CNTNAP2: variants seen among roughly 807,000 people sequenced by gnomAD.
CNTNAP2 encodes contactin-associated protein-like 2.
A neutral mutation model predicts 155.2 loss-of-function variants in CNTNAP2; 98 were observed. That is an observed-to-expected ratio of 0.63 (90% CI 0.54 to 0.75). The LOEUF (loss-of-function observed/expected upper bound fraction) is 0.75. CNTNAP2 is among the 30% of genes least tolerant of loss of function. CNTNAP2 has a pLI of 0.00. For missense variants in CNTNAP2, 1,727 were observed against 1,688.1 expected (o/e 1.02, Z -0.40); for synonymous variants, 651 against 631.2 (o/e 1.03, Z -0.47).
At chr7:148,182,264 A>ATTTCT (rs1341813425) in intron 18 of CNTNAP2, among the ~76,000 whole-genome samples, 3 of 152,084 alleles carry the variant, frequency 2.0e-5, no homozygotes, top group African/African-American at 2.4e-5. Context: ...AACTCTATAC[A>ATTTCT]TTTCTTTTCT....
intron 13 of CNTNAP2, among the ~76,000 whole-genome samples, chr7:147,714,635 A>G (rs1796455373): frequency 6.6e-6 from 1 of 152,070 alleles, no homozygotes; most frequent in African/African-American, 2.4e-5. Context: ...TTATATTGAT[A>G]CTAGTATAAG....
At chr7:147,077,155 T>A (rs1489442044) in intron 4 of CNTNAP2, among the ~76,000 whole-genome samples, 5 of 152,208 alleles carry the variant, frequency 3.3e-5, no homozygotes, top group Non-Finnish European at 7.3e-5. Context: ...TTTCCATTGT[T>A]TTCCAATTTA....
intron 12 of CNTNAP2, among the ~76,000 whole-genome samples, chr7:147,629,418 TA>T (rs1795044922): frequency 1.4e-5 from 2 of 141,606 alleles, no homozygotes; most frequent in African/African-American, 5.1e-5. Context: ...ATAATAATAA[TA>T]ATAATAATAA....
At chr7:146,409,710 C>G (rs530298356) in intron 1 of CNTNAP2, among the ~76,000 whole-genome samples, 5 of 152,302 alleles carry the variant, frequency 3.3e-5, no homozygotes, top group African/African-American at 7.2e-5. Flanking sequence ...ATCCTCCTCC[C>G]CAAAGGCTTT....
chr7:148,274,017 T>C (rs1796828602), intron 21 of CNTNAP2, among the ~76,000 whole-genome samples: 1 of 152,198 alleles, frequency 6.6e-6, no homozygotes. Flanking sequence ...TATACTGTGA[T>C]AACCATGCTG....
intron 12 of CNTNAP2, among the ~76,000 whole-genome samples, chr7:147,593,838 T>C (rs908114919): frequency 6.6e-6 from 1 of 152,192 alleles, no homozygotes; most frequent in South Asian, 2.1e-4. Context: ...TTTTAAAGAC[T>C]GTTAAAGGAG....
At chr7:146,317,837 G>A (rs1189967266) in intron 1 of CNTNAP2, among the ~76,000 whole-genome samples, 1 of 152,140 alleles carries the variant, frequency 6.6e-6, no homozygotes, top group Admixed American at 6.5e-5. Flanking sequence ...TTGAGGCATT[G>A]TTTCCAATAA....
At chr7:146,445,728 G>C (rs1223992656) in intron 1 of CNTNAP2, among the ~76,000 whole-genome samples, 1 of 152,122 alleles carries the variant, frequency 6.6e-6, no homozygotes, top group African/African-American at 2.4e-5. Context: ...ATAGCAAGTA[G>C]TAGAGCAAGA....
At chr7:148,310,371 A>T (rs1303177481) in intron 21 of CNTNAP2, among the ~76,000 whole-genome samples, 2 of 152,242 alleles carry the variant, frequency 1.3e-5, no homozygotes, top group African/African-American at 4.8e-5. Context: ...TTTGGAGGAC[A>T]ACTGCAGCTA....
chr7:148,359,979 G>C (rs962187655), intron 21 of CNTNAP2, among the ~76,000 whole-genome samples: 1 of 152,140 alleles, frequency 6.6e-6, no homozygotes, highest in Non-Finnish European at 1.5e-5. Context: ...AGGGGATCTC[G>C]AGAAGAAGTT....
chr7:147,567,907 G>A (rs994585452), intron 12 of CNTNAP2, among the ~76,000 whole-genome samples: 9 of 152,058 alleles, frequency 5.9e-5, no homozygotes, highest in African/African-American at 1.2e-4. Context: ...CCAACATGGC[G>A]AAACCCCGTC....
At chr7:146,605,386 C>G (rs934944160) in intron 1 of CNTNAP2, among the ~76,000 whole-genome samples, 1 of 151,296 alleles carries the variant, frequency 6.6e-6, no homozygotes, top group Non-Finnish European at 1.5e-5. Flanking sequence ...TCAAACATAA[C>G]TCTTACTCTG....
intron 16 of CNTNAP2, among the ~76,000 whole-genome samples, chr7:148,132,958 G>GAAACTC (rs1804864080): frequency 6.6e-6 from 1 of 151,984 alleles, no homozygotes. Flanking sequence ...ACACAGTTGG[G>GAAACTC]TATTGAAAAT....
chr7:147,456,287 C>T (rs1333027206), intron 10 of CNTNAP2, among the ~76,000 whole-genome samples: 2 of 152,066 alleles, frequency 1.3e-5, no homozygotes, highest in Non-Finnish European at 2.9e-5. Flanking sequence ...CTTGGGGAGA[C>T]AGAGCTAGAA....
At chr7:146,439,310 A>G (rs10250673) in intron 1 of CNTNAP2, among the ~76,000 whole-genome samples, 12,205 of 149,438 alleles carry the variant, frequency 0.082, 1,860 homozygotes, top group African/African-American at 0.27. Context: ...CAGCTTATCT[A>G]TTGATGTAGA....
At position 147,724,983 on chromosome 7, in the gene CNTNAP2, C is replaced by T. The variant is rs1796620734; in HGVS notation, c.2098+85677C>T. Among the ~76,000 whole-genome samples the T allele has an allele frequency of 3.3e-5, 5 of 152,028 alleles. No homozygotes were observed. In the South Asian group the frequency reaches 1.0e-3, roughly 32 times the overall value. ...CCCTTAGAAACAGGGTTGATGAAGTCAAAGGGACGGCCATTCTGTCTTGTC... is the reference window on the plus strand; with the variant it reads ...CCCTTAGAAACAGGGTTGATGAAGTTAAAGGGACGGCCATTCTGTCTTGTC... On this transcript the variant is annotated intron_variant, in intron 13 of 23. Coordinates refer to ENST00000361727, the MANE Select transcript of CNTNAP2 (RefSeq NM_014141.6).
At position 147,496,003 on chromosome 7, in the gene CNTNAP2, A is replaced by G. The variant is rs547681459; in HGVS notation, c.1777+9962A>G. On this transcript the variant is annotated intron_variant, in intron 11 of 23. Transcript: ENST00000361727. ...TGTGAACTGTGCATGCGAGGGATGT[A>G]GGTTGCATGTTCCTTATGAGAATCT... Among the ~76,000 whole-genome samples the G allele has an allele frequency of 1.3e-4, 20 of 152,296 alleles. No individual in the cohort carries two copies. The South Asian group carries it at 4.1e-3, about 32-fold the overall frequency.
At chr7:146,729,390 G>A (rs531432924) in intron 1 of CNTNAP2, among the ~76,000 whole-genome samples, 12 of 152,152 alleles carry the variant, frequency 7.9e-5, no homozygotes, top group African/African-American at 2.9e-4. Flanking sequence ...ATTTCAGAAA[G>A]GCAAGAGGAT....
intron 8 of CNTNAP2, among the ~76,000 whole-genome samples, chr7:147,189,469 T>C (rs1802634317): frequency 6.6e-6 from 1 of 152,152 alleles, no homozygotes; most frequent in Non-Finnish European, 1.5e-5. Context: ...CTTGGAACTT[T>C]GCTGAGAAAG....
Sources: allele counts gnomAD v4.1 joint callset (sites outside exome capture counted in the v4.1 genomes callset), GRCh38; gene constraint gnomAD v4.1.1; transcripts MANE v1.5; gene names NCBI Gene and HGNC (gene_info 2026-07-23, HGNC 2026-07-21).